The following WDR12 variants were observed in gnomAD, a reference collection of about 807,000 sequenced individuals.
WDR12 encodes ribosome biogenesis protein WDR12.
A neutral mutation model predicts 64.3 loss-of-function variants in WDR12; 42 were observed. The ratio of observed to expected loss-of-function variants is 0.65; its 90% CI spans 0.51 to 0.84. WDR12 has a LOEUF of 0.84. Ranked by LOEUF, WDR12 falls within the 40% of genes least tolerant of loss-of-function variation. WDR12 has a pLI of 0.00. For synonymous variants in WDR12, 158 were observed against 173.3 expected (o/e 0.91, Z 0.70); for missense variants, 469 against 494.6 (o/e 0.95, Z 0.49).
chr2:202,883,741 T>C lies in WDR12; in HGVS notation c.989A>G (p.Asp330Gly), dbSNP rs1367307402. ...HIRLWDPRTKDGSLVSLSLTS... is the reference protein window; with the variant it reads ...HIRLWDPRTKGGSLVSLSLTS... ...TAGGGACAGCGACACCAAAGAACCATCTGAACAAAGCAAAAAAGACAAGCG... is the reference window on the plus strand; with the variant it reads ...TAGGGACAGCGACACCAAAGAACCACCTGAACAAAGCAAAAAAGACAAGCG... Residue 330 changes from aspartate (D) to glycine (G), a missense_variant and splice_region_variant, in exon 11 of 13, where the codon GAT (aspartate) becomes GGT (glycine). Asp to Gly is a moderately conservative substitution (Grantham distance 94). Coordinates refer to ENST00000261015, the MANE Select transcript of WDR12 (RefSeq NM_018256.4). 2 of 1,612,424 alleles carry C rather than the reference T, an allele frequency of 1.2e-6. No individual in the cohort carries two copies. Among genetic ancestry groups the C allele is most frequent in the Admixed American group, 1.7e-5 (1 of 59,424 alleles).
intron 8 of WDR12, among the ~76,000 whole-genome samples, chr2:202,891,530 C>T (rs1688156910): frequency 6.6e-6 from 1 of 152,144 alleles, no homozygotes; most frequent in Non-Finnish European, 1.5e-5. Flanking sequence ...ATTCATCAGT[C>T]TATGTTTAAA....
intron 12 of WDR12, 23 bp downstream of exon 12, chr2:202,882,687 AT>A (rs1401373794): frequency 6.2e-7 from 1 of 1,603,056 alleles, no homozygotes; most frequent in Non-Finnish European, 8.5e-7. Flanking sequence ...TTTCCTCTTC[AT>A]CAAATAACTA....
intron 2 of WDR12, among the ~76,000 whole-genome samples, chr2:202,903,357 TTCC>T (rs528303602): frequency 1.7e-3 from 259 of 152,206 alleles, no homozygotes; most frequent in Non-Finnish European, 2.8e-3. Flanking sequence ...CTGAAAGCCT[TTCC>T]TCTAACATCT....
chr2:202,904,354 A>G (rs530390064), intron 2 of WDR12, among the ~76,000 whole-genome samples: 1 of 152,208 alleles, frequency 6.6e-6, no homozygotes, highest in South Asian at 2.1e-4. Flanking sequence ...TAAAATTTAC[A>G]TGGAACCACA....
At chr2:202,890,308 T>C (rs1377589216) in intron 8 of WDR12, among the ~76,000 whole-genome samples, 1 of 150,168 alleles carries the variant, frequency 6.7e-6, no homozygotes, top group Non-Finnish European at 1.5e-5. Context: ...ACAGATATCA[T>C]ATGAAATTTT....
intron 8 of WDR12, among the ~76,000 whole-genome samples, chr2:202,891,890 A>T (rs1688162676): frequency 6.6e-6 from 1 of 152,200 alleles, no homozygotes; most frequent in Admixed American, 6.5e-5. Flanking sequence ...AGAGTACAAC[A>T]GTGGTTGCCG....
rs184192321 is a variant in WDR12, at chr2:202,874,630, A to C, written c.*6230T>G. ...AATCTGACATCACACAAAAAGCTCTATTTCTTCAAGGCATTCCAGTTTCTT... is the reference window on the plus strand; with the variant it reads ...AATCTGACATCACACAAAAAGCTCTCTTTCTTCAAGGCATTCCAGTTTCTT... On this transcript the variant is annotated 3_prime_UTR_variant, in exon 13 of 13. Coordinates refer to ENST00000261015, the MANE Select transcript of WDR12 (RefSeq NM_018256.4). Among the ~76,000 whole-genome samples, 1 of 152,192 alleles carries C rather than the reference A, an allele frequency of 6.6e-6. No individual in the cohort carries two copies. The highest frequency in any genetic ancestry group is 1.5e-5 in the Non-Finnish European group (1 of 68,034).
At chr2:202,887,270 C>T (rs1027726343) in intron 8 of WDR12, among the ~76,000 whole-genome samples, 6 of 143,888 alleles carry the variant, frequency 4.2e-5, no homozygotes, top group South Asian at 2.4e-4. Flanking sequence ...GTGATGTGCC[C>T]GCCTCAGCCT....
At chr2:202,895,405 C>CACTTAAGAT (rs1223661413) in intron 6 of WDR12, among the ~76,000 whole-genome samples, 3 of 151,786 alleles carry the variant, frequency 2.0e-5, no homozygotes, top group African/African-American at 7.3e-5. Flanking sequence ...ATCAACTAGG[C>CACTTAAGAT]GTTTTCAGTT....
At chr2:202,884,883 T>A (rs761408870) in intron 8 of WDR12, among the ~76,000 whole-genome samples, 3 of 152,246 alleles carry the variant, frequency 2.0e-5, no homozygotes, top group Non-Finnish European at 2.9e-5. Flanking sequence ...CTCTCCCAGC[T>A]GACAAATGTT....
chr2:202,909,456 C>T (rs1016588893), intron 1 of WDR12, among the ~76,000 whole-genome samples: 1 of 152,008 alleles, frequency 6.6e-6, no homozygotes, highest in Non-Finnish European at 1.5e-5. Flanking sequence ...TATATAATTC[C>T]ATTTATTCAA....
chr2:202,908,750 C>T (rs374488015), intron 1 of WDR12, among the ~76,000 whole-genome samples: 1 of 152,118 alleles, frequency 6.6e-6, no homozygotes, highest in East Asian at 1.9e-4. Context: ...TTTCTGGCTG[C>T]ACAATGGGCA....
At chr2:202,890,990 T>C (rs1270097597) in intron 8 of WDR12, among the ~76,000 whole-genome samples, 1 of 90,730 alleles carries the variant, frequency 1.1e-5, no homozygotes, top group East Asian at 3.4e-4. Context: ...CAAGACTTTG[T>C]CTCTTTAAAA....
rs779419072 is a variant in WDR12, at chr2:202,899,032, G to GTTTTTTTT, written c.338+491_338+498dup. On this transcript the variant is annotated intron_variant, in intron 4 of 12. Coordinates refer to ENST00000261015, the MANE Select transcript of WDR12 (RefSeq NM_018256.4). ...GAGTACCTATTAATAAATACCTGTG[G>GTTTTTTTT]TTTTTTTTTTTTTTTTTTTTTTTTT... 6.2e-4 allele frequency among the ~76,000 whole-genome samples: 46 copies of GTTTTTTTT among 73,676 alleles called. 6 individuals carry two copies. Among genetic ancestry groups the GTTTTTTTT allele is most frequent in the African/African-American group, 2.4e-3 (45 of 18,514 alleles). 48.3% of individuals were successfully genotyped at this position (73,676 alleles called of 152,430 possible).
At chr2:202,885,799 C>A (rs1574402720) in intron 8 of WDR12, among the ~76,000 whole-genome samples, 1 of 152,266 alleles carries the variant, frequency 6.6e-6, no homozygotes, top group East Asian at 1.9e-4. Context: ...GAGGCTCATA[C>A]CTGTAGTCTC....
At chr2:202,888,068 C>T (rs1688083474) in intron 8 of WDR12, among the ~76,000 whole-genome samples, 1 of 152,066 alleles carries the variant, frequency 6.6e-6, no homozygotes, top group South Asian at 2.1e-4. Context: ...TGGAAACAAT[C>T]AAATATCCTT....
chr2:202,880,980 A>G (rs766599328), intron 12 of WDR12, 43 bp from the exon 13 acceptor site: 3 of 1,500,464 alleles, frequency 2.0e-6, no homozygotes, highest in Non-Finnish European at 2.7e-6. Context: ...ATAAATAAAT[A>G]TAATTATTTC....
rs1240933023 is a variant in WDR12, at chr2:202,875,757, T to C, written c.*5103A>G. The stretch of plus-strand genomic sequence containing the variant: ...ATTCTTTCCATTTATAAAAACATCA[T>C]TCTTGTGCACGACATAAGATTGACA... On this transcript the variant is annotated 3_prime_UTR_variant, in exon 13 of 13. Transcript: ENST00000261015. The C allele has an allele frequency of 6.6e-6, 1 of 152,208 alleles. No individual in the cohort carries two copies. Among genetic ancestry groups the C allele is most frequent in the Non-Finnish European group, 1.5e-5 (1 of 68,034 alleles). The allele number at this position is 152,208 out of a possible 1,614,324, so 9.4% of individuals were successfully genotyped here. A position where few individuals can be genotyped will look rare whatever the true frequency, so the allele number is the denominator to read the frequency against.
chr2:202,887,258 A>G (rs77268589), intron 8 of WDR12, among the ~76,000 whole-genome samples: 13,532 of 151,578 alleles, frequency 0.089, 738 homozygotes, highest in Non-Finnish European at 0.12. Context: ...TCCTGACTGC[A>G]GGTGATGTGC....
Sources: gnomAD v4.1 joint callset for allele counts (sites outside exome capture counted in the v4.1 genomes callset) on GRCh38, gnomAD v4.1.1 for gene constraint, MANE v1.5 for transcripts, NCBI Gene and HGNC (gene_info 2026-07-23, HGNC 2026-07-21) for gene names.